The following ATP13A4 variants were observed in gnomAD, a reference collection of about 807,000 sequenced individuals.
ATP13A4 encodes probable cation-transporting ATPase 13A4.
In ATP13A4, 114 loss-of-function variants were observed where a neutral mutation model predicts 142.5. The observed-to-expected ratio is 0.80, with a 90% CI of 0.69 to 0.93. The LOEUF is 0.93. Among genes scored for constraint, ATP13A4 ranks in the 40% least tolerant of loss-of-function variants. ATP13A4 has a pLI of 0.00. For missense variants in ATP13A4, 1,392 were observed against 1,454.0 expected (o/e 0.96, Z 0.69); for synonymous variants, 488 against 514.8 (o/e 0.95, Z 0.70).
At chr3:193,573,301 A>ATATACTTATATATATATATATATGTG (rs1560287360) in intron 2 of ATP13A4, among the ~76,000 whole-genome samples, 18 of 78,992 alleles carry the variant, frequency 2.3e-4, no homozygotes, top group African/African-American at 3.2e-4. Flanking sequence ...ACATATATAT[A>ATATACTTATATATATATATATATGTG]TATATACATA....
chr3:193,400,269 CT>C lies in ATP13A4; in HGVS notation c.*2382del, dbSNP rs1006372976. Among the ~76,000 whole-genome samples the C allele has an allele frequency of 1.4e-4, 22 of 152,194 alleles. No homozygotes were observed. Among genetic ancestry groups the C allele is most frequent in the African/African-American group, 4.8e-4 (20 of 41,454 alleles). On this transcript the variant is annotated 3_prime_UTR_variant, in exon 30 of 30. Transcript: ENST00000342695. The stretch of plus-strand genomic sequence containing the variant: ...GGAATACAGTCTTCAAAATGAGTCT[CT>C]TTTCCCAAAGATTTTATGGCTGCTT...
At chr3:193,453,822 T>G (rs1306094494) in intron 17 of ATP13A4, among the ~76,000 whole-genome samples, 1 of 152,360 alleles carries the variant, frequency 6.6e-6, no homozygotes, top group East Asian at 1.9e-4. Context: ...TTCACAAAGC[T>G]GTAAAAATCA....
At chr3:193,497,919 A>G (rs1176765666) in intron 3 of ATP13A4, among the ~76,000 whole-genome samples, 3 of 152,190 alleles carry the variant, frequency 2.0e-5, no homozygotes, top group Non-Finnish European at 4.4e-5. Flanking sequence ...TGGGGGGAAT[A>G]GCATAGACAA....
chr3:193,572,730 G>T (rs898580662), intron 2 of ATP13A4, among the ~76,000 whole-genome samples: 1 of 152,040 alleles, frequency 6.6e-6, no homozygotes, highest in South Asian at 2.1e-4. Context: ...ACTATGCACC[G>T]CTGAGTGGTC....
chr3:193,553,616 C>A (rs1560279595), intron 1 of ATP13A4: 1 of 152,338 alleles, frequency 6.6e-6, no homozygotes, highest in East Asian at 1.9e-4. Flanking sequence ...GAAGGCAATT[C>A]ATTTGGCAGT....
In ATP13A4 at chr3:193,499,889, G is replaced by T. The variant is rs552358412; in HGVS notation, c.381+2604C>A. On this transcript the variant is annotated intron_variant, in intron 3 of 29. Transcript: ENST00000342695. The stretch of plus-strand genomic sequence containing the variant: ...GAACGCAGCAATAATGAGAAATAAA[G>T]AGGCTACTGATAAGTTTTACCTCAG... 6.6e-5 allele frequency among the ~76,000 whole-genome samples: 10 copies of T among 152,254 alleles called. No homozygotes were observed. The East Asian group carries it at 1.9e-3, about 29-fold the overall frequency.
At chr3:193,515,826 G>A (rs1721378664) in intron 1 of ATP13A4, among the ~76,000 whole-genome samples, 1 of 152,216 alleles carries the variant, frequency 6.6e-6, no homozygotes, top group African/African-American at 2.4e-5. Flanking sequence ...AGCTAAAATT[G>A]AGAGGTAGTA....
intron 1 of ATP13A4, among the ~76,000 whole-genome samples, chr3:193,530,804 G>A (rs1722272308): frequency 6.6e-6 from 1 of 152,128 alleles, no homozygotes; most frequent in South Asian, 2.1e-4. Context: ...AGAATGGTTA[G>A]GCACATACTT....
At chr3:193,489,643 TATTTCCTG>T in intron 7 of ATP13A4, 79 bp downstream of exon 7, 1 of 1,411,106 alleles carries the variant, frequency 7.1e-7, no homozygotes, top group South Asian at 1.2e-5. Context: ...AGGAAGTGAC[TATTTCCTG>T]ATTCTCCTTT....
chr3:193,506,819 T>C (rs143490981), intron 2 of ATP13A4, among the ~76,000 whole-genome samples: 1 of 152,300 alleles, frequency 6.6e-6, no homozygotes, highest in East Asian at 1.9e-4. Flanking sequence ...GAAGGATGTG[T>C]TTGCTTCCCC....
intron 14 of ATP13A4, among the ~76,000 whole-genome samples, chr3:193,458,233 A>G (rs1717749903): frequency 6.6e-6 from 1 of 152,236 alleles, no homozygotes; most frequent in African/African-American, 2.4e-5. Flanking sequence ...GGAGAAAGGA[A>G]GGGATTATAG....
At chr3:193,565,090 T>C (rs1191213561) in intron 2 of ATP13A4, among the ~76,000 whole-genome samples, 1 of 152,180 alleles carries the variant, frequency 6.6e-6, no homozygotes, top group African/African-American at 2.4e-5. Flanking sequence ...TATTACAATG[T>C]AATAATAATA....
chr3:193,459,208 G>A lies in ATP13A4; in HGVS notation c.1547C>T (p.Ala516Val), dbSNP rs1160006035. The stretch of plus-strand genomic sequence containing the variant: ...GCCCCATGGCAAAGCCTGGCCTGAG[G>A]CAAAGCTGTGAACTTCCTGAAAGCT... ...RNGFQEVHSFASGQALPWGPL... is the reference protein window; with the variant it reads ...RNGFQEVHSFVSGQALPWGPL... Residue 516 changes from alanine (A) to valine (V), a missense_variant, in exon 14 of 30, where the codon GCC becomes GTC. Transcript: ENST00000342695. 1.9e-6 allele frequency: 3 copies of A among 1,614,128 alleles called. No homozygotes were observed. The highest frequency in any genetic ancestry group is 4.5e-5 in the East Asian group (2 of 44,900).
intron 25 of ATP13A4, among the ~76,000 whole-genome samples, chr3:193,427,163 C>A (rs985981482): frequency 3.9e-5 from 6 of 152,046 alleles, no homozygotes; most frequent in Non-Finnish European, 4.4e-5. Flanking sequence ...ACACCACTAA[C>A]AGAGAAACAG....
intron 2 of ATP13A4, among the ~76,000 whole-genome samples, chr3:193,565,543 C>A (rs1424173512): frequency 6.6e-6 from 1 of 152,152 alleles, no homozygotes; most frequent in Non-Finnish European, 1.5e-5. Context: ...CACTGTCTAA[C>A]TTGGGGCAAC....
chr3:193,588,084 G>C (rs1724700166), intron 1 of ATP13A4, among the ~76,000 whole-genome samples: 1 of 152,164 alleles, frequency 6.6e-6, no homozygotes, highest in Non-Finnish European at 1.5e-5. Context: ...AGTGAGCCAT[G>C]ATCACACCAC....
intron 8 of ATP13A4, among the ~76,000 whole-genome samples, chr3:193,471,522 T>C (rs951423295): frequency 1.7e-4 from 26 of 151,660 alleles, no homozygotes; most frequent in Non-Finnish European, 5.9e-5. Context: ...GTCGAGACTG[T>C]AGTGAGTGAT....
At chr3:193,506,799 A>G (rs1281966698) in intron 2 of ATP13A4, among the ~76,000 whole-genome samples, 1 of 152,186 alleles carries the variant, frequency 6.6e-6, no homozygotes, top group South Asian at 2.1e-4. Flanking sequence ...CCTCGCTGCC[A>G]GCATGTGAAG....
At chr3:193,495,358 A>T (rs534337543) in intron 3 of ATP13A4, among the ~76,000 whole-genome samples, 1 of 152,132 alleles carries the variant, frequency 6.6e-6, no homozygotes, top group African/African-American at 2.4e-5. Context: ...AACAAAATTA[A>T]AGTTAACAGC....
Sources: gnomAD v4.1 joint callset for allele counts (sites outside exome capture counted in the v4.1 genomes callset) on GRCh38, gnomAD v4.1.1 for gene constraint, MANE v1.5 for transcripts, NCBI Gene and HGNC (gene_info 2026-07-23, HGNC 2026-07-21) for gene names.